The following CDK13 variants were observed in gnomAD, a reference collection of about 807,000 sequenced individuals.
The protein encoded by CDK13 is cyclin-dependent kinase 13.
CDK13 carries 40 observed loss-of-function variants against 137.6 expected under a neutral mutation model. The ratio of observed to expected loss-of-function variants is 0.29; its 90% CI spans 0.23 to 0.38. The LOEUF is 0.38. Ranked by LOEUF, CDK13 falls within the 10% of genes least tolerant of loss-of-function variation. The pLI, the probability that CDK13 is intolerant of heterozygous loss-of-function variation, is 1.00. For synonymous variants in CDK13, 869 were observed against 760.1 expected, an observed-to-expected ratio of 1.14 and a Z score of -2.36; for missense variants, 1,704 against 1,951.8, an observed-to-expected ratio of 0.87 and a Z score of 2.39.
intron 1 of CDK13, among the ~76,000 whole-genome samples, chr7:39,980,223 G>C (rs1239131053): frequency 6.6e-6 from 1 of 152,192 alleles, no homozygotes; most frequent in Non-Finnish European, 1.5e-5. Flanking sequence ...TAGATTTCTA[G>C]CCTGGGTAAA....
At chr7:39,959,879 G>A (rs1430825119) in intron 1 of CDK13, among the ~76,000 whole-genome samples, 2 of 135,210 alleles carry the variant, frequency 1.5e-5, no homozygotes, top group African/African-American at 2.8e-5. Context: ...AGTATTTTTC[G>A]TGAGCTTGTC....
At chr7:40,031,933 T>C (rs2150505555) in intron 5 of CDK13, among the ~76,000 whole-genome samples, 1 of 151,792 alleles carries the variant, frequency 6.6e-6, no homozygotes, top group African/African-American at 2.4e-5. Context: ...GCTATCCTCC[T>C]GCCTCGGCCT....
Position 40,094,476 on chromosome 7 carries a change from T to C in CDK13, c.4035T>C (p.Ser1345=), listed in dbSNP as rs193176929. Residue 1345 remains serine (S), a synonymous_variant, in exon 14 of 14, where the codon TCT becomes TCC. Coordinates refer to ENST00000181839, the MANE Select transcript of CDK13 (RefSeq NM_003718.5). The part of the protein sequence containing the change: ...YKDNFGSSSF[S]SAPYVSNDGL... ...ACAACTTTGGATCCTCTTCTTTCTC[T>C]TCTGCTCCTTATGTTAGCAATGATG... 1.5e-5 allele frequency: 24 copies of C among 1,613,754 alleles called. No homozygotes were observed. In the East Asian group the frequency reaches 5.1e-4, roughly 34 times the overall value.
chr7:39,955,189 C>T (rs1185068446), intron 1 of CDK13, among the ~76,000 whole-genome samples: 4 of 151,950 alleles, frequency 2.6e-5, no homozygotes, highest in Non-Finnish European at 5.9e-5. Flanking sequence ...GGGAGGGTAC[C>T]GTTTGTAGTG....
intron 5 of CDK13, among the ~76,000 whole-genome samples, chr7:40,021,700 TA>T (rs1332529158): frequency 1.3e-5 from 2 of 151,784 alleles, no homozygotes; most frequent in Non-Finnish European, 3.0e-5. Flanking sequence ...GACACTGCTT[TA>T]AGCTAATTAG....
At chr7:39,981,994 TTTC>T (rs1784235686) in intron 1 of CDK13, among the ~76,000 whole-genome samples, 1 of 151,402 alleles carries the variant, frequency 6.6e-6, no homozygotes, top group African/African-American at 2.4e-5. Context: ...TTTTTTCTTT[TTTC>T]TTCTTTTTTT....
intron 1 of CDK13, among the ~76,000 whole-genome samples, chr7:39,974,504 T>C (rs1256168931): frequency 6.6e-6 from 1 of 152,152 alleles, no homozygotes; most frequent in East Asian, 1.9e-4. Flanking sequence ...TTTAAACTTT[T>C]AGGTATTTCA....
chr7:40,024,232 C>G (rs1298859303), intron 5 of CDK13, among the ~76,000 whole-genome samples: 1 of 152,184 alleles, frequency 6.6e-6, no homozygotes, highest in Non-Finnish European at 1.5e-5. Flanking sequence ...CAGCGCTAAC[C>G]CTACCCACAT....
chr7:40,089,262 C>CT (rs1488571685), intron 12 of CDK13, among the ~76,000 whole-genome samples: 2 of 150,936 alleles, frequency 1.3e-5, no homozygotes, highest in South Asian at 2.1e-4. Context: ...TCCTGAAACT[C>CT]TGTCTCTACT....
chr7:39,956,560 A>T (rs181673783), intron 1 of CDK13, among the ~76,000 whole-genome samples: 1 of 152,174 alleles, frequency 6.6e-6, no homozygotes, highest in Admixed American at 6.5e-5. Context: ...CACTCCCATT[A>T]TATTAGAATT....
At chr7:39,991,476 T>A (rs1450579441) in intron 2 of CDK13, among the ~76,000 whole-genome samples, 2 of 142,622 alleles carry the variant, frequency 1.4e-5, no homozygotes, top group Non-Finnish European at 3.0e-5. Flanking sequence ...CACAAATACA[T>A]TAGCAAAAGT....
intron 7 of CDK13, among the ~76,000 whole-genome samples, chr7:40,050,142 C>T (rs895584129): frequency 6.6e-6 from 1 of 152,018 alleles, no homozygotes. Context: ...CTTTATCCGT[C>T]CATCTCTTAG....
At chr7:40,082,462 G>C (rs1786685886) in intron 11 of CDK13, among the ~76,000 whole-genome samples, 1 of 144,960 alleles carries the variant, frequency 6.9e-6, no homozygotes, top group South Asian at 2.3e-4. Flanking sequence ...CTCCAGTCTG[G>C]GCGACAGAGT....
At chr7:40,043,709 C>T (rs964621485) in intron 5 of CDK13, among the ~76,000 whole-genome samples, 2 of 151,468 alleles carry the variant, frequency 1.3e-5, no homozygotes, top group African/African-American at 2.4e-5. Context: ...AGCCCATGAC[C>T]CCAACTATAC....
rs1158116757 is a variant in CDK13 at position 40,095,066 on chromosome 7, T to A, written c.*86T>A. The A allele has an allele frequency of 8.7e-7, 1 of 1,153,236 alleles. No homozygotes were observed. The highest frequency in any genetic ancestry group is 1.1e-6 in the Non-Finnish European group (1 of 874,052). The allele number at this position is 1,153,236 out of a possible 1,614,324, so 71.4% of individuals were successfully genotyped here. The stretch of plus-strand genomic sequence containing the variant: ...AAGGCAGCAATCCAAGAGACTTGAA[T>A]AATAATAATTCAACAACAGCTTTAT... On this transcript the variant is annotated 3_prime_UTR_variant, in exon 14 of 14. Transcript: ENST00000181839.
At position 40,093,088 on chromosome 7, in the gene CDK13, A is replaced by G. The variant is rs377509733; in HGVS notation, c.3539A>G (p.Gln1180Arg). Residue 1180 changes from glutamine to arginine, a missense_variant, in exon 13 of 14, where the codon CAG becomes CGG. Transcript: ENST00000181839. ...ACTGATGCTGCCCAGGCGGCTGTGCAGAGTGCATTTGCAGTTCTGTTGACT... is the reference window on the plus strand; with the variant it reads ...ACTGATGCTGCCCAGGCGGCTGTGCGGAGTGCATTTGCAGTTCTGTTGACT... The part of the protein sequence containing the change: ...VETDAAQAAV[Q>R]SAFAVLLTQL... 6.2e-7 allele frequency: 1 copy of G among 1,614,092 alleles called. No individual in the cohort carries two copies. The highest frequency in any genetic ancestry group is 1.3e-5 in the African/African-American group (1 of 74,938).
At chr7:39,971,760 A>G (rs1784004538) in intron 1 of CDK13, among the ~76,000 whole-genome samples, 5 of 152,136 alleles carry the variant, frequency 3.3e-5, no homozygotes, top group South Asian at 4.2e-4. Context: ...GCGGGCGCCT[A>G]TAGTCCCAGC....
At chr7:40,053,973 G>C (rs1394773554) in intron 7 of CDK13, among the ~76,000 whole-genome samples, 2 of 152,110 alleles carry the variant, frequency 1.3e-5, no homozygotes, top group African/African-American at 4.8e-5. Flanking sequence ...ATAAGTAGTA[G>C]AGCTCAGGAT....
Position 40,076,615 on chromosome 7 carries a change from A to AACAT in CDK13, c.2781-1389_2781-1388insCATA, listed in dbSNP as rs1402302347. ...AAGAGAGTAGAACTATGTAAAGAAT[A>AACAT]AGTTCTTAGTATCTTTAAAGCTTGG... is the stretch of plus-strand genomic sequence containing the variant. On this transcript the variant is annotated intron_variant, in intron 9 of 13. Transcript: ENST00000181839. 2.6e-3 allele frequency among the ~76,000 whole-genome samples: 399 copies of AACAT among 152,324 alleles called. 1 individual carries two copies. Among genetic ancestry groups the AACAT allele is most frequent in the South Asian group, 0.012 (58 of 4,828 alleles).
Sources: gnomAD v4.1 joint callset for allele counts (sites outside exome capture counted in the v4.1 genomes callset) on GRCh38, gnomAD v4.1.1 for gene constraint, MANE v1.5 for transcripts, NCBI Gene and HGNC (gene_info 2026-07-23, HGNC 2026-07-21) for gene names.